MOB2: variants seen among roughly 807,000 people sequenced by gnomAD.
MOB2 encodes MOB2 Mps One Binder homolog.
A neutral mutation model predicts 27.4 loss-of-function variants in MOB2; 14 were observed. The ratio of observed to expected loss-of-function variants is 0.51; its 90% CI spans 0.34 to 0.80. The LOEUF is 0.80. Ranked by LOEUF, MOB2 falls within the 30% of genes least tolerant of loss-of-function variation. The pLI is 0.01. For synonymous variants in MOB2, 167 were observed against 151.8 expected (o/e 1.10, Z -0.74); for missense variants, 304 against 354.6 (o/e 0.86, Z 1.15).
intron 4 of MOB2, among the ~76,000 whole-genome samples, chr11:1,470,754 T>C (rs1847778013): frequency 6.6e-6 from 1 of 152,190 alleles, no homozygotes; most frequent in Admixed American, 6.5e-5. Context: ...GGGAGCTCGT[T>C]GGGCCATCCT....
intron 3 of MOB2, among the ~76,000 whole-genome samples, chr11:1,475,325 T>TG (rs1181739980): frequency 2.0e-5 from 3 of 152,170 alleles, no homozygotes; most frequent in African/African-American, 7.2e-5. Flanking sequence ...CAATCACACG[T>TG]GTGCACAGGG....
At chr11:1,485,060 G>C (rs1049310748) in intron 1 of MOB2, among the ~76,000 whole-genome samples, 3 of 152,226 alleles carry the variant, frequency 2.0e-5, no homozygotes, top group Admixed American at 1.3e-4. Flanking sequence ...TGCTGCTGCT[G>C]TCCTAGAACC....
intron 3 of MOB2, among the ~76,000 whole-genome samples, chr11:1,479,921 G>T (rs1590765546): frequency 6.6e-6 from 1 of 152,212 alleles, no homozygotes; most frequent in East Asian, 1.9e-4. Context: ...ATTTACTGAG[G>T]AAATCAGGGT....
At chr11:1,475,696 G>C (rs1847845510) in intron 3 of MOB2, among the ~76,000 whole-genome samples, 1 of 152,182 alleles carries the variant, frequency 6.6e-6, no homozygotes, top group African/African-American at 2.4e-5. Context: ...ACACGCTGCT[G>C]CTCCCATCCT....
chr11:1,471,170 T>G, intron 4 of MOB2, 125 bp downstream of exon 4: 1 of 1,297,230 alleles, frequency 7.7e-7, no homozygotes, highest in Non-Finnish European at 1.0e-6. Context: ...GGGACTGGGG[T>G]GGTGCAGCTG....
chr11:1,482,380 T>G (rs1847924911), intron 1 of MOB2, among the ~76,000 whole-genome samples: 1 of 152,322 alleles, frequency 6.6e-6, no homozygotes, highest in East Asian at 1.9e-4. Context: ...TCCTGCCCCC[T>G]TGCCAGCCTT....
Position 1,486,763 on chromosome 11 carries a change from C to A in MOB2, c.-207G>T. On this transcript the variant is annotated 5_prime_UTR_variant, in exon 1 of 5. It removes an upstream start codon present in the reference 5' UTR. Coordinates refer to ENST00000329957, the MANE Select transcript of MOB2 (RefSeq NM_001172223.3). Reference sequence around the variant, plus strand: ...GTCTGAATTGGCCTTTTCCAAGTGGCATGGCTGCCAGAAGAGGCGGTGGGG... The same window carrying A: ...GTCTGAATTGGCCTTTTCCAAGTGGAATGGCTGCCAGAAGAGGCGGTGGGG... 3.7e-6 allele frequency: 2 copies of A among 539,024 alleles called. No individual in the cohort carries two copies. The highest frequency in any genetic ancestry group is 6.7e-6 in the Non-Finnish European group (2 of 299,070). 33.4% of individuals were successfully genotyped at this position (539,024 alleles called of 1,614,324 possible). A position where few individuals can be genotyped will look rare whatever the true frequency, so the allele number is the denominator to read the frequency against.
At chr11:1,480,348 C>T (rs758515213) in intron 3 of MOB2, 45 bp downstream of exon 3, 1 of 1,577,860 alleles carries the variant, frequency 6.3e-7, no homozygotes, top group Non-Finnish European at 8.7e-7. Flanking sequence ...CAGAGCCCCA[C>T]CGAGTCTCCC....
intron 3 of MOB2, among the ~76,000 whole-genome samples, chr11:1,478,134 C>A (rs996179014): frequency 1.3e-5 from 2 of 152,236 alleles, no homozygotes; most frequent in Admixed American, 1.3e-4. Context: ...AGCATAGCAG[C>A]TCTCTTGCCC....
At chr11:1,479,783 A>C (rs1036694180) in intron 3 of MOB2, among the ~76,000 whole-genome samples, 2 of 152,236 alleles carry the variant, frequency 1.3e-5, no homozygotes, top group Non-Finnish European at 2.9e-5. Context: ...CACATGTCCC[A>C]GGCTAAGCCC....
chr11:1,485,427 T>C (rs1847959545), intron 1 of MOB2, among the ~76,000 whole-genome samples: 1 of 152,186 alleles, frequency 6.6e-6, no homozygotes. Flanking sequence ...AGATAGGACA[T>C]CCTAGGCAGG....
chr11:1,486,056 C>T (rs1230640490), intron 1 of MOB2, among the ~76,000 whole-genome samples: 1 of 152,234 alleles, frequency 6.6e-6, no homozygotes, highest in East Asian at 1.9e-4. Flanking sequence ...ACAGGCACAC[C>T]TGCTGGCGGC....
At chr11:1,479,426 A>G (rs996518953) in intron 3 of MOB2, among the ~76,000 whole-genome samples, 3 of 151,988 alleles carry the variant, frequency 2.0e-5, no homozygotes, top group African/African-American at 7.3e-5. Context: ...GTGACACCTC[A>G]TTTTCCTGGG....
chr11:1,479,506 G>A (rs2133364605), intron 3 of MOB2, among the ~76,000 whole-genome samples: 1 of 152,358 alleles, frequency 6.6e-6, no homozygotes, highest in Middle Eastern at 3.4e-3. Context: ...ACCAAGCTGT[G>A]ACCCATCATG....
chr11:1,482,968 A>T (rs1010374845), intron 1 of MOB2, among the ~76,000 whole-genome samples: 5 of 152,218 alleles, frequency 3.3e-5, no homozygotes, highest in Admixed American at 3.3e-4. Flanking sequence ...ACTCTGAGGC[A>T]GCCCATTGCT....
Position 1,471,343 on chromosome 11 carries a change from A to G in MOB2, c.442T>C (p.Ser148Pro), listed in dbSNP as rs762607684. ...APQYVDFVMSSVQKLVTDEDV... is the reference protein window; with the variant it reads ...APQYVDFVMSPVQKLVTDEDV... The stretch of plus-strand genomic sequence containing the variant: ...TCATCCGTCACCAGCTTCTGCACGG[A>G]GCTCATGACGAAGTCAACGTACTGT... The change falls in exon 4 of 5, where the codon TCC becomes CCC. Residue 148 changes from serine to proline, a missense_variant. Transcript: ENST00000329957. 6.2e-7 allele frequency: 1 copy of G among 1,613,512 alleles called. No homozygotes were observed. The highest frequency in any genetic ancestry group is 2.2e-5 in the East Asian group (1 of 44,872).
chr11:1,479,971 T>A (rs913992532), intron 3 of MOB2, among the ~76,000 whole-genome samples: 1 of 152,200 alleles, frequency 6.6e-6, no homozygotes, highest in South Asian at 2.1e-4. Context: ...CCAGGCATGT[T>A]GGATGGTCAC....
In MOB2 at chr11:1,486,469, G is replaced by C; in HGVS notation, c.88C>G (p.Gln30Glu). Residue 30 changes from glutamine to glutamate, a missense_variant, in exon 1 of 5, where the codon CAG becomes GAG. By Grantham distance (29) the Gln-to-Glu change is conservative (BLOSUM62 2). Coordinates refer to ENST00000329957, the MANE Select transcript of MOB2 (RefSeq NM_001172223.3). Reference protein sequence around the residue: ...QSGLCCKMVLQAVSKVLRKSK... With the variant: ...QSGLCCKMVLEAVSKVLRKSK... Reference sequence around the variant, plus strand: ...TACCTGAGCACTTTGCTGACAGCCTGAAGCACCATTTTGCAGCAGAGTCCA... The same window carrying C: ...TACCTGAGCACTTTGCTGACAGCCTCAAGCACCATTTTGCAGCAGAGTCCA... 1 of 1,535,874 alleles carries C rather than the reference G, an allele frequency of 6.5e-7. No individual in the cohort carries two copies.
intron 3 of MOB2, 46 bp downstream of exon 3, chr11:1,480,347 A>T: frequency 1.9e-6 from 3 of 1,574,148 alleles, no homozygotes; most frequent in Non-Finnish European, 2.6e-6. Flanking sequence ...TCAGAGCCCC[A>T]CCGAGTCTCC....
Sources: allele counts gnomAD v4.1 joint callset (sites outside exome capture counted in the v4.1 genomes callset), GRCh38; gene constraint gnomAD v4.1.1; transcripts MANE v1.5; gene names NCBI Gene and HGNC (gene_info 2026-07-23, HGNC 2026-07-21).